Variants in SUMF1 observed in about 807,000 individuals in gnomAD.
SUMF1 encodes the protein formylglycine-generating enzyme.
In SUMF1, 48 loss-of-function variants were observed where a neutral mutation model predicts 47.6. The ratio of observed to expected loss-of-function variants is 1.01; its 90% CI spans 0.80 to 1.28. The LOEUF is 1.28. SUMF1 is among the 50% of genes most tolerant of loss of function. SUMF1 has a pLI of 0.00. For missense variants in SUMF1, 571 were observed against 485.4 expected (o/e 1.18, Z -1.66); for synonymous variants, 230 against 192.1 (o/e 1.20, Z -1.63).
chr3:4,075,292 C>A (rs1332826684), intron 8 of SUMF1, among the ~76,000 whole-genome samples: 1 of 152,016 alleles, frequency 6.6e-6, no homozygotes, highest in African/African-American at 2.4e-5. Flanking sequence ...AATTCAACAG[C>A]CCTTCATGCT....
Position 4,253,651 on chromosome 3 carries a change from T to A in SUMF1, c.1014+122679A>T, listed in dbSNP as rs377058679. 8.0e-4 allele frequency among the ~76,000 whole-genome samples: 122 copies of A among 151,738 alleles called. 1 individual carries two copies. In the East Asian group the frequency reaches 0.011, roughly 14 times the overall value. On this transcript the variant is annotated intron_variant and NMD_transcript_variant, in intron 8 of 12. Transcript: ENST00000448413. ...CGCTGATTGCTAGCACAGCAGTCTG[T>A]GATCAAACTGCAAGGCGGCAGCGAG...
rs76297912 is a variant in SUMF1, at chr3:4,295,631, A to G, written c.1014+80699T>C. 1.1e-4 allele frequency among the ~76,000 whole-genome samples: 17 copies of G among 152,330 alleles called. No homozygotes were observed. In the East Asian group the frequency reaches 3.3e-3, roughly 29 times the overall value. ...CCTTGGTAACAGTATTTGAATACGC[A>G]TGATAATAAATTTGTTCATATGTTT... On this transcript the variant is annotated intron_variant and NMD_transcript_variant, in intron 8 of 12. Transcript: ENST00000448413.
chr3:4,185,313 T>C (rs1410827090), intron 8 of SUMF1, among the ~76,000 whole-genome samples: 2 of 152,132 alleles, frequency 1.3e-5, no homozygotes, highest in Admixed American at 6.5e-5. Flanking sequence ...TACACCAAAA[T>C]AACCAATAAT....
chr3:4,389,805 G>A (rs1700796684), intron 7 of SUMF1, among the ~76,000 whole-genome samples: 2 of 152,082 alleles, frequency 1.3e-5, no homozygotes, highest in Admixed American at 6.6e-5. Flanking sequence ...TCTAAAATTT[G>A]CATTTGGTTC....
chr3:4,142,400 C>A (rs1009263629), intron 8 of SUMF1, among the ~76,000 whole-genome samples: 4 of 152,172 alleles, frequency 2.6e-5, no homozygotes, highest in African/African-American at 4.8e-5. Context: ...CTCACCTACA[C>A]TGAAGTCTTA....
intron 8 of SUMF1, among the ~76,000 whole-genome samples, chr3:4,178,197 C>T (rs1166114616): frequency 1.3e-5 from 2 of 152,120 alleles, no homozygotes; most frequent in African/African-American, 2.4e-5. Flanking sequence ...TTGATGAGGC[C>T]AGCATCATCC....
At chr3:4,210,512 GA>G (rs1432417024) in intron 8 of SUMF1, among the ~76,000 whole-genome samples, 13 of 152,098 alleles carry the variant, frequency 8.5e-5, no homozygotes, top group African/African-American at 3.1e-4. Context: ...GTTCAAAGGG[GA>G]AAGAACGACC....
chr3:4,402,714 T>C (rs1043115615), intron 7 of SUMF1, among the ~76,000 whole-genome samples: 1 of 152,182 alleles, frequency 6.6e-6, no homozygotes, highest in Admixed American at 6.5e-5. Context: ...AAGCTGTCTC[T>C]CAAGGTTGAA....
intron 9 of SUMF1, among the ~76,000 whole-genome samples, chr3:4,051,081 A>G (rs1695102640): frequency 6.6e-6 from 1 of 151,960 alleles, no homozygotes; most frequent in Non-Finnish European, 1.5e-5. Flanking sequence ...GCGAGTACTC[A>G]AGTAATTTGA....
At chr3:4,342,101 G>A (rs1446247942) in intron 8 of SUMF1, among the ~76,000 whole-genome samples, 4 of 152,180 alleles carry the variant, frequency 2.6e-5, no homozygotes, top group Non-Finnish European at 5.9e-5. Flanking sequence ...TAATCTAGCA[G>A]GCTAACTTTA....
chr3:4,176,964 G>C (rs1376890803), intron 8 of SUMF1, among the ~76,000 whole-genome samples: 2 of 152,194 alleles, frequency 1.3e-5, no homozygotes, highest in South Asian at 4.2e-4. Context: ...AATGGTAAAG[G>C]GATCAATTCA....
chr3:4,379,208 A>C (rs529335099), intron 7 of SUMF1, among the ~76,000 whole-genome samples: 31 of 152,250 alleles, frequency 2.0e-4, no homozygotes, highest in Non-Finnish European at 3.4e-4. Context: ...AGTGTTCCCA[A>C]AATTAATGCT....
intron 3 of SUMF1, among the ~76,000 whole-genome samples, chr3:4,427,740 C>T (rs942533348): frequency 6.6e-6 from 1 of 152,104 alleles, no homozygotes; most frequent in African/African-American, 2.4e-5. Context: ...ATTCCCAAGG[C>T]ACACAATCAG....
At chr3:4,421,101 C>T (rs1701884422) in intron 3 of SUMF1, among the ~76,000 whole-genome samples, 3 of 152,176 alleles carry the variant, frequency 2.0e-5, no homozygotes, top group South Asian at 4.1e-4. Flanking sequence ...GTTCTGTTAA[C>T]CAAAATAACA....
intron 7 of SUMF1, among the ~76,000 whole-genome samples, chr3:4,410,174 C>T (rs1240015204): frequency 6.6e-6 from 1 of 152,342 alleles, no homozygotes; most frequent in African/African-American, 2.4e-5. Context: ...AAAGGAAGCA[C>T]TTTCCACACA....
intron 8 of SUMF1, among the ~76,000 whole-genome samples, chr3:4,096,204 A>G (rs1692899458): frequency 6.6e-6 from 1 of 152,136 alleles, no homozygotes; most frequent in African/African-American, 2.4e-5. Flanking sequence ...TCCAAATCAG[A>G]ACAGAAAGCT....
chr3:4,098,415 A>T (rs1185204884), intron 8 of SUMF1, among the ~76,000 whole-genome samples: 1 of 152,138 alleles, frequency 6.6e-6, no homozygotes, highest in Non-Finnish European at 1.5e-5. Flanking sequence ...AGCCTGAAAA[A>T]CTGTGTGCCT....
chr3:4,241,924 G>C (rs1181823774), intron 8 of SUMF1, among the ~76,000 whole-genome samples: 1 of 152,166 alleles, frequency 6.6e-6, no homozygotes, highest in Non-Finnish European at 1.5e-5. Flanking sequence ...ACACAGGGAA[G>C]TTGACTACGT....
intron 8 of SUMF1, among the ~76,000 whole-genome samples, chr3:4,264,701 T>C (rs865895202): frequency 7.9e-5 from 12 of 152,186 alleles, no homozygotes; most frequent in African/African-American, 2.9e-4. Flanking sequence ...AGTGGACTCA[T>C]TGTAAATGTG....
Sources: allele counts gnomAD v4.1 joint callset (sites outside exome capture counted in the v4.1 genomes callset), GRCh38; gene constraint gnomAD v4.1.1; transcripts MANE v1.5; gene names NCBI Gene and HGNC (gene_info 2026-07-23, HGNC 2026-07-21).